The following CNTN4 variants were observed in gnomAD, a reference collection of about 807,000 sequenced individuals.
CNTN4 encodes the protein contactin-4.
Under a neutral mutation model 122.5 loss-of-function variants are expected in CNTN4, and 77 were observed. The observed-to-expected ratio is 0.63, with a 90% CI of 0.52 to 0.76. CNTN4 has a LOEUF of 0.76. Ranked by LOEUF, CNTN4 falls within the 30% of genes least tolerant of loss-of-function variation. The pLI is 0.00. For synonymous variants in CNTN4, 512 were observed against 447.0 expected (o/e 1.15, Z -1.83); for missense variants, 1,256 against 1,259.1 (o/e 1.00, Z 0.04).
At position 2,385,123 on chromosome 3, in the gene CNTN4, G is replaced by C. The variant is rs975945530; in HGVS notation, c.-89+45890G>C. Among the ~76,000 whole-genome samples the C allele has an allele frequency of 6.6e-6, 1 of 151,974 alleles. No individual in the cohort carries two copies. The highest frequency in any genetic ancestry group is 3.2e-3 in the Middle Eastern group (1 of 316). On this transcript the variant is annotated intron_variant, in intron 3 of 24. Coordinates refer to ENST00000418658, the MANE Select transcript of CNTN4 (RefSeq NM_175607.3). The surrounding 1 kb of genome is among the most constrained non-coding windows in gnomAD (Gnocchi z 4.0). ...CTGATATCAGAGTGACCTGTTAAAA[G>C]TATAAACATATCATTTTCTACTTTA...
Position 2,521,343 on chromosome 3 carries a change from T to TCCC in CNTN4, c.-88-50068_-88-50066dup, listed in dbSNP as rs5846190. 5.8e-4 allele frequency among the ~76,000 whole-genome samples: 75 copies of TCCC among 128,342 alleles called. 1 individual carries two copies. The highest frequency in any genetic ancestry group is 1.8e-3 in the African/African-American group (59 of 31,942). 84.2% of individuals were successfully genotyped at this position (128,342 alleles called of 152,430 possible). A position where few individuals can be genotyped will look rare whatever the true frequency, so the allele number is the denominator to read the frequency against. On this transcript the variant is annotated intron_variant, in intron 3 of 24. Coordinates refer to ENST00000418658, the MANE Select transcript of CNTN4 (RefSeq NM_175607.3). ...GTGAACAAGGGTGGACCTCTACCCA[T>TCCC]CCCCCCCACCCCCCGCAATAAGTCA...
intron 4 of CNTN4, among the ~76,000 whole-genome samples, chr3:2,588,759 T>C (rs1371747232): frequency 7.3e-6 from 1 of 137,726 alleles, no homozygotes; most frequent in Non-Finnish European, 1.5e-5. Context: ...GAAATGCTAA[T>C]GTAAAGAGGA....
rs574364385 is a variant in CNTN4, at chr3:2,570,297, C to T, written c.-88-1119C>T. Among the ~76,000 whole-genome samples, 247 of 151,956 alleles carry T rather than the reference C, an allele frequency of 1.6e-3. 1 individual carries two copies. The highest frequency in any genetic ancestry group is 5.8e-3 in the African/African-American group (240 of 41,430). On this transcript the variant is annotated intron_variant, in intron 3 of 24. Coordinates refer to ENST00000418658, the MANE Select transcript of CNTN4 (RefSeq NM_175607.3). ...GAAGCAATCCTCCTGTCTTAGCCTC[C>T]TGAGTAGCAGGGACTATAGGCGTGC...
chr3:2,409,979 T>A (rs2151026097), intron 3 of CNTN4, among the ~76,000 whole-genome samples: 1 of 152,248 alleles, frequency 6.6e-6, no homozygotes. Flanking sequence ...TTCTACTGGG[T>A]CATTATAAAA....
intron 4 of CNTN4, among the ~76,000 whole-genome samples, chr3:2,665,007 A>T (rs1379937071): frequency 6.6e-6 from 1 of 152,182 alleles, no homozygotes; most frequent in Non-Finnish European, 1.5e-5. Flanking sequence ...AATAACAACC[A>T]TTCTTCACTC....
At chr3:2,362,762 G>A in intron 3 of CNTN4, 1 of 251,266 alleles carries the variant, frequency 4.0e-6, no homozygotes. Context: ...AACTGACCAA[G>A]GACCCTAGAC....
rs143198123 is a variant in CNTN4, at chr3:2,128,177, T to A, written c.-145+27538T>A. On this transcript the variant is annotated intron_variant, in intron 2 of 24. Transcript: ENST00000418658. Reference sequence around the variant, plus strand: ...ATAATTTGTGGCTTATTTTTAACCGTCTGCCAGTTTCTTTTCTCATTGTTA... The same window carrying A: ...ATAATTTGTGGCTTATTTTTAACCGACTGCCAGTTTCTTTTCTCATTGTTA... Among the ~76,000 whole-genome samples the A allele has an allele frequency of 9.8e-4, 150 of 152,306 alleles. 1 individual carries two copies. Among genetic ancestry groups the A allele is most frequent in the African/African-American group, 3.5e-3 (147 of 41,574 alleles).
intron 6 of CNTN4, among the ~76,000 whole-genome samples, chr3:2,783,828 C>G (rs988348421): frequency 6.6e-6 from 1 of 152,180 alleles, no homozygotes; most frequent in African/African-American, 2.4e-5. Flanking sequence ...TCCTAATCCA[C>G]CAGGTTGACA....
In CNTN4 at chr3:2,412,254, C is replaced by CT. The variant is rs765865403; in HGVS notation, c.-89+73034dup. Among the ~76,000 whole-genome samples, 870 of 145,718 alleles carry CT rather than the reference C, an allele frequency of 6.0e-3. 10 individuals carry two copies. The highest frequency in any genetic ancestry group is 0.02 in the African/African-American group (785 of 39,966). Reference sequence around the variant, plus strand: ...TATAACTGAAGCAAATTTACAAATACTTTTTTTTTTTTTGGAGGCGGAGTT... The same window carrying CT: ...TATAACTGAAGCAAATTTACAAATACTTTTTTTTTTTTTTGGAGGCGGAGTT... On this transcript the variant is annotated intron_variant, in intron 3 of 24. Coordinates refer to ENST00000418658, the MANE Select transcript of CNTN4 (RefSeq NM_175607.3).
At chr3:3,048,574 C>T (rs1045858401) in intron 23 of CNTN4, among the ~76,000 whole-genome samples, 4 of 150,928 alleles carry the variant, frequency 2.7e-5, no homozygotes, top group African/African-American at 9.8e-5. Context: ...GTGGTACCTC[C>T]CGTGATATCT....
chr3:2,351,457 G>T (rs1041409055), intron 3 of CNTN4, among the ~76,000 whole-genome samples: 1 of 151,984 alleles, frequency 6.6e-6, no homozygotes, highest in Non-Finnish European at 1.5e-5. Flanking sequence ...GACCTTACTC[G>T]CATTAAAGAA....
intron 3 of CNTN4, among the ~76,000 whole-genome samples, chr3:2,411,887 T>C (rs1312034069): frequency 6.6e-6 from 1 of 152,176 alleles, no homozygotes; most frequent in South Asian, 2.1e-4. Context: ...CATCTATTGC[T>C]CCATATATGT....
At chr3:2,926,546 G>A (rs184849842) in intron 13 of CNTN4, among the ~76,000 whole-genome samples, 265 of 152,168 alleles carry the variant, frequency 1.7e-3, no homozygotes, top group African/African-American at 5.8e-3. Flanking sequence ...GTAATTATGC[G>A]TGAATCTGTT....
chr3:2,800,291 A>G (rs139506205), intron 6 of CNTN4, among the ~76,000 whole-genome samples: 1 of 152,082 alleles, frequency 6.6e-6, no homozygotes, highest in Non-Finnish European at 1.5e-5. Flanking sequence ...TTACCCTGAC[A>G]TTCGATTTAT....
chr3:2,799,575 G>A (rs1299638424), intron 6 of CNTN4, among the ~76,000 whole-genome samples: 2 of 152,000 alleles, frequency 1.3e-5, no homozygotes, highest in East Asian at 3.9e-4. Flanking sequence ...CGATTCTCCT[G>A]CCTCAGCCTC....
At chr3:3,034,540 T>C in intron 16 of CNTN4, 92 bp from the exon 17 acceptor site, 1 of 1,304,420 alleles carries the variant, frequency 7.7e-7, no homozygotes, top group Non-Finnish European at 1.1e-6. Flanking sequence ...GGTAGATAAA[T>C]GAATGGGTCA....
At chr3:2,427,169 G>A (rs2047871919) in intron 3 of CNTN4, among the ~76,000 whole-genome samples, 1 of 152,124 alleles carries the variant, frequency 6.6e-6, no homozygotes, top group East Asian at 1.9e-4. Flanking sequence ...ATGTTAGGGT[G>A]TCAATTTTAG....
chr3:2,108,840 A>G (rs2032696060), intron 2 of CNTN4, among the ~76,000 whole-genome samples: 1 of 152,250 alleles, frequency 6.6e-6, no homozygotes, highest in South Asian at 2.1e-4. Flanking sequence ...CAAGCAGGAC[A>G]GTGCCCAAAT....
intron 8 of CNTN4, among the ~76,000 whole-genome samples, chr3:2,880,251 T>A (rs1348732593): frequency 6.6e-6 from 1 of 152,192 alleles, no homozygotes; most frequent in Admixed American, 6.5e-5. Context: ...TTCTAAGACC[T>A]CCTTGGCTTT....
Sources: allele counts gnomAD v4.1 joint callset (sites outside exome capture counted in the v4.1 genomes callset), GRCh38; gene constraint gnomAD v4.1.1; non-coding constraint Gnocchi (gnomAD v3.1); transcripts MANE v1.5; gene names NCBI Gene and HGNC (gene_info 2026-07-23, HGNC 2026-07-21).